Variants in RELT observed in about 807,000 individuals in gnomAD.
RELT encodes tumor necrosis factor receptor superfamily member 19L.
RELT carries 37 observed loss-of-function variants against 51.1 expected under a neutral mutation model. That is an observed-to-expected ratio of 0.72 (90% CI 0.56 to 0.95). The LOEUF (loss-of-function observed/expected upper bound fraction) is 0.95, where lower values mean the gene tolerates loss of function less well. RELT is among the 40% of genes least tolerant of loss of function. The pLI is 0.00. For missense variants in RELT, 535 were observed against 572.6 expected (o/e 0.93, Z 0.67); for synonymous variants, 241 against 235.7 (o/e 1.02, Z -0.21).
At chr11:73,380,158 G>T (rs996416680) in intron 1 of RELT, among the ~76,000 whole-genome samples, 1 of 152,174 alleles carries the variant, frequency 6.6e-6, no homozygotes, top group African/African-American at 2.4e-5. Context: ...TGGGGCCAGC[G>T]TGGCCAGTAG....
chr11:73,389,511 T>C (rs2134448861), intron 2 of RELT, among the ~76,000 whole-genome samples: 1 of 152,314 alleles, frequency 6.6e-6, no homozygotes, highest in Non-Finnish European at 1.5e-5. Flanking sequence ...AAAAGAGGCC[T>C]GGGATTTGGA....
chr11:73,392,249 G>A lies in RELT; in HGVS notation c.406G>A (p.Ala136Thr), dbSNP rs1470287552. 3.1e-6 allele frequency: 5 copies of A among 1,612,672 alleles called. No individual in the cohort carries two copies. The highest frequency in any genetic ancestry group is 1.1e-5 in the South Asian group (1 of 91,000). The part of the protein sequence containing the change: ...RRARRGVEVA[A>T]GASSGGETRQ... ...GGCCCGACGTGGCGTGGAGGTGGCAGCAGGGGCCAGCAGCGGTGGTGAGAC... is the reference window on the plus strand; with the variant it reads ...GGCCCGACGTGGCGTGGAGGTGGCAACAGGGGCCAGCAGCGGTGGTGAGAC... Residue 136 changes from alanine (A) to threonine (T), a missense_variant, in exon 6 of 11, where the codon GCA becomes ACA. Coordinates refer to ENST00000064780, the MANE Select transcript of RELT (RefSeq NM_152222.2).
chr11:73,392,097 C>T (rs551838848), intron 5 of RELT, 114 bp from the exon 6 acceptor site: 5 of 1,271,192 alleles, frequency 3.9e-6, no homozygotes, highest in East Asian at 5.1e-5. Flanking sequence ...GGAGTGGGCT[C>T]CCCTGGGCAC....
chr11:73,389,011 T>C, intron 1 of RELT, 101 bp from the exon 2 acceptor site: 1 of 695,006 alleles, frequency 1.4e-6, no homozygotes. Context: ...GCACCTTGCC[T>C]GCTCCCCATG....
At chr11:73,393,814 A>T (rs1216791561) in intron 6 of RELT, 23 bp from the exon 7 acceptor site, 1 of 1,612,046 alleles carries the variant, frequency 6.2e-7, no homozygotes, top group African/African-American at 1.3e-5. Context: ...CTTCCCCAGG[A>T]TCAGGGCCCT....
At chr11:73,390,977 C>T (rs991857531) in intron 4 of RELT, 56 bp downstream of exon 4, 4 of 1,589,708 alleles carry the variant, frequency 2.5e-6, no homozygotes, top group Non-Finnish European at 2.6e-6. Context: ...GACTCTGGAT[C>T]CTGGGGCCCC....
In RELT at chr11:73,385,672, G is replaced by C. The variant is rs150604400; in HGVS notation, c.-25-3440G>C. Among the ~76,000 whole-genome samples, 4 of 152,308 alleles carry C rather than the reference G, an allele frequency of 2.6e-5. No individual in the cohort carries two copies. The East Asian group carries it at 7.7e-4, about 29-fold the overall frequency. The stretch of plus-strand genomic sequence containing the variant: ...ATCACAGCCCTCTGCCAGCAGGGCA[G>C]AGGAGAAGGGCTGTGGAGAAGGAAA... On this transcript the variant is annotated intron_variant, in intron 1 of 10. Coordinates refer to ENST00000064780, the MANE Select transcript of RELT (RefSeq NM_152222.2).
rs377630993 is a variant in RELT, at chr11:73,394,444, G to C, written c.789-33G>C. ...GCTGGGGTCTCCTGCCCCTGGCCTG[G>C]CCTATGGCCACTTCTGCCTGTGCCC... On this transcript the variant is annotated intron_variant, in intron 8 of 10. Transcript: ENST00000064780. This position sits in a 1 kb window ranked among gnomAD's most constrained non-coding sequence, Gnocchi z 4.9. 2.8e-5 allele frequency: 45 copies of C among 1,608,824 alleles called. No individual in the cohort carries two copies. Among genetic ancestry groups the C allele is most frequent in the Non-Finnish European group, 3.8e-5 (45 of 1,176,656 alleles).
chr11:73,389,874 G>A (rs1866183188), intron 2 of RELT, among the ~76,000 whole-genome samples: 1 of 152,164 alleles, frequency 6.6e-6, no homozygotes, highest in Non-Finnish European at 1.5e-5. Flanking sequence ...GCCAAATTGG[G>A]GGACTCTAGG....
At position 73,392,294 on chromosome 11, in the gene RELT, A is replaced by T; in HGVS notation, c.451A>T (p.Thr151Ser). ...TGAGACACGGCAGCCTGGGAACGGC[A>T]CCCGGGCAGGTGGCCCAGAGGAGAC... Reference protein sequence around the residue: ...GGETRQPGNGTRAGGPEETAA... With the variant: ...GGETRQPGNGSRAGGPEETAA... Residue 151 changes from threonine (T) to serine (S), a missense_variant, in exon 6 of 11, where the codon ACC (threonine) becomes TCC (serine). Physicochemically the swap from Thr to Ser is moderately conservative, Grantham distance 58. Coordinates refer to ENST00000064780, the MANE Select transcript of RELT (RefSeq NM_152222.2). The T allele has an allele frequency of 6.2e-7, 1 of 1,613,202 alleles. No individual in the cohort carries two copies. Among genetic ancestry groups the T allele is most frequent in the Non-Finnish European group, 8.5e-7 (1 of 1,179,864 alleles).
At position 73,389,163 on chromosome 11, in the gene RELT, C is replaced by T. The variant is rs1340160978; in HGVS notation, c.27C>T (p.Pro9=). Residue 9 remains proline (P), a synonymous_variant, in exon 2 of 11, where the codon CCC becomes CCT. Transcript: ENST00000064780. The part of the protein sequence containing the change: MKPSLLCR[P]LSCFLMLLPW... ...TGAAGCCAAGTCTGCTGTGCCGGCC[C>T]CTGTCCTGCTTCCTTATGGTGAGCT... 2 of 1,550,420 alleles carry T rather than the reference C, an allele frequency of 1.3e-6. No homozygotes were observed. The highest frequency in any genetic ancestry group is 1.9e-5 in the Admixed American group (1 of 51,428).
In RELT at chr11:73,394,228, A is replaced by G; in HGVS notation, c.707-8A>G. The G allele has an allele frequency of 6.3e-7, 1 of 1,598,308 alleles. No individual in the cohort carries two copies. On this transcript the variant is annotated splice_polypyrimidine_tract_variant and splice_region_variant and intron_variant, in intron 7 of 10. Transcript: ENST00000064780. This position sits in a 1 kb window ranked among gnomAD's most constrained non-coding sequence, Gnocchi z 4.9. ...CCACAGTGAGGGTCTGACTGCAGCT[A>G]CCCACAGAGAATGCTGCGGCCCTGG...
At chr11:73,385,210 C>T (rs1158166842) in intron 1 of RELT, among the ~76,000 whole-genome samples, 1 of 151,984 alleles carries the variant, frequency 6.6e-6, no homozygotes, top group East Asian at 1.9e-4. Flanking sequence ...AAGGGGAGGG[C>T]CCTGCCTAGG....
chr11:73,395,005 C>T lies in RELT; in HGVS notation c.1047-82C>T, dbSNP rs527613022. 3.2e-6 allele frequency: 4 copies of T among 1,261,498 alleles called. No homozygotes were observed. In the African/African-American group the frequency reaches 4.4e-5, roughly 14 times the overall value. 78.1% of individuals were successfully genotyped at this position (1,261,498 alleles called of 1,614,324 possible). ...GCTAAGGCTCTGGTCCATGAACTTG[C>T]TGTGTGACCCCGGGCACGTGCTGCC... On this transcript the variant is annotated intron_variant, in intron 9 of 10. Coordinates refer to ENST00000064780, the MANE Select transcript of RELT (RefSeq NM_152222.2).
intron 5 of RELT, chr11:73,391,977 G>A: frequency 1.7e-6 from 1 of 594,176 alleles, no homozygotes; most frequent in Non-Finnish European, 3.0e-6. Flanking sequence ...GGGGAGGGTG[G>A]GGCTGGGTGT....
chr11:73,376,494 A>C lies in RELT; in HGVS notation c.-31A>C, dbSNP rs1055623371. On this transcript the variant is annotated 5_prime_UTR_variant, in exon 1 of 11. Coordinates refer to ENST00000064780, the MANE Select transcript of RELT (RefSeq NM_152222.2). ...AGCCGAGCTGGAGCTGCCGCGGCGC[A>C]GCCAGGTAAGGAGGGCGCGCGGAGC... 4.6e-5 allele frequency: 7 copies of C among 152,056 alleles called. No individual in the cohort carries two copies. Among genetic ancestry groups the C allele is most frequent in the Non-Finnish European group, 8.8e-5 (6 of 67,950 alleles). The allele number at this position is 152,056 out of a possible 1,614,324, so 9.4% of individuals were successfully genotyped here. A position where few individuals can be genotyped will look rare whatever the true frequency, so the allele number is the denominator to read the frequency against.
Position 73,395,518 on chromosome 11 carries a change from G to A in RELT, c.*27G>A, listed in dbSNP as rs376164534. The stretch of plus-strand genomic sequence containing the variant: ...GGGCGGTCTAGTCTAAGGACACTGC[G>A]GCCCTGCCCTGGGAGGTTCCGAAGG... On this transcript the variant is annotated 3_prime_UTR_variant, in exon 11 of 11. Transcript: ENST00000064780. The A allele has an allele frequency of 3.0e-4, 237 of 783,258 alleles. 1 individual carries two copies. Among genetic ancestry groups the A allele is most frequent in the Non-Finnish European group, 4.6e-4 (194 of 420,278 alleles). 48.5% of individuals were successfully genotyped at this position (783,258 alleles called of 1,614,324 possible). A position where few individuals can be genotyped will look rare whatever the true frequency, so the allele number is the denominator to read the frequency against.
At chr11:73,379,525 CAGA>C (rs1335806226) in intron 1 of RELT, among the ~76,000 whole-genome samples, 1 of 152,224 alleles carries the variant, frequency 6.6e-6, no homozygotes, top group African/African-American at 2.4e-5. Context: ...TCTCATTTCA[CAGA>C]AGGAGAGATT....
intron 3 of RELT, 35 bp downstream of exon 3, chr11:73,390,660 A>G: frequency 6.2e-7 from 1 of 1,611,662 alleles, no homozygotes; most frequent in Non-Finnish European, 8.5e-7. Context: ...CTGTCCTGGG[A>G]GGGCCCTGAG....
Sources: allele counts gnomAD v4.1 joint callset (sites outside exome capture counted in the v4.1 genomes callset), GRCh38; gene constraint gnomAD v4.1.1; non-coding constraint Gnocchi (gnomAD v3.1); transcripts MANE v1.5; gene names NCBI Gene and HGNC (gene_info 2026-07-23, HGNC 2026-07-21).